PRSS55: variants seen among roughly 807,000 people sequenced by gnomAD.
The protein encoded by PRSS55 is probable serine protease UNQ9391/PRO34284.
Under a neutral mutation model 23.6 loss-of-function variants are expected in PRSS55, and 41 were observed. That is an observed-to-expected ratio of 1.74 (90% CI 1.35 to 2.26). The LOEUF (loss-of-function observed/expected upper bound fraction) is 2.26. PRSS55 is among the 30% of genes most tolerant of loss of function. PRSS55 has a pLI of 0.00. For missense variants in PRSS55, 669 were observed against 439.1 expected (o/e 1.52, Z -4.68); for synonymous variants, 262 against 175.5 (o/e 1.49, Z -3.90).
chr8:10,538,820 C>T (rs201129708), downstream of PRSS55: 14 of 1,526,014 alleles, frequency 9.2e-6, no homozygotes, highest in Non-Finnish European at 1.2e-5. Context: ...ATTCTTTCAA[C>T]CGAGGGAGGG....
chr8:10,548,801 C>A (rs1305866179), intron 4 of PRSS55, among the ~76,000 whole-genome samples: 3 of 152,170 alleles, frequency 2.0e-5, no homozygotes. Flanking sequence ...CCTGGTCACA[C>A]ATCCACTCAA....
rs529014229 is a variant in PRSS55 at position 10,532,837 on chromosome 8, T to C, written c.599-69T>C. The C allele has an allele frequency of 1.1e-4, 179 of 1,596,546 alleles. 4 individuals are homozygous for C. The Middle Eastern group carries it at 2.6e-3, about 23-fold the overall frequency. On this transcript the variant is annotated intron_variant, in intron 3 of 4. Coordinates refer to ENST00000328655, the MANE Select transcript of PRSS55 (RefSeq NM_198464.4). ...GGGGGACACAGGGCCGAGGGCACAGTCAGCTGCATCACGAACGTGGGGACA... is the reference window on the plus strand; with the variant it reads ...GGGGGACACAGGGCCGAGGGCACAGCCAGCTGCATCACGAACGTGGGGACA...
At chr8:10,531,631 G>T in intron 3 of PRSS55, 86 bp downstream of exon 3, 2 of 1,547,826 alleles carry the variant, frequency 1.3e-6, no homozygotes, top group Admixed American at 1.8e-5. Flanking sequence ...GTGAGGACAA[G>T]ACTTGCATTG....
exon 5 of PRSS55, chr8:10,554,078 C>T: frequency 7.7e-7 from 1 of 1,295,596 alleles, no homozygotes; most frequent in Non-Finnish European, 1.1e-6. Flanking sequence ...GGGCAGAAAA[C>T]ATACCCTTGG....
exon 5 of PRSS55, chr8:10,554,087 G>C (rs1404873381): frequency 9.4e-6 from 11 of 1,172,828 alleles, no homozygotes; most frequent in Non-Finnish European, 1.3e-5. Context: ...ACATACCCTT[G>C]GGCATAGCCT....
Position 10,533,932 on chromosome 8 carries a change from G to C in PRSS55, c.741+884G>C, listed in dbSNP as rs75381309. ...CTGATAGGCTATGAGAGCCTTGAGA[G>C]GTGGGTACTGAAACAGGGGTTGGAG... On this transcript the variant is annotated intron_variant, in intron 4 of 4. Coordinates refer to ENST00000328655, the MANE Select transcript of PRSS55 (RefSeq NM_198464.4). Among the ~76,000 whole-genome samples the C allele has an allele frequency of 6.5e-4, 99 of 152,290 alleles. No homozygotes were observed. In the East Asian group the frequency reaches 0.018, roughly 28 times the overall value.
At chr8:10,550,661 T>C (rs148922309) in intron 4 of PRSS55, among the ~76,000 whole-genome samples, 10 of 152,330 alleles carry the variant, frequency 6.6e-5, no homozygotes, top group African/African-American at 2.4e-4. Flanking sequence ...CCTGCCTGCC[T>C]GCCCCGAGAC....
At chr8:10,536,964 C>G (rs563258801) in intron 4 of PRSS55, among the ~76,000 whole-genome samples, 1 of 152,124 alleles carries the variant, frequency 6.6e-6, no homozygotes, top group African/African-American at 2.4e-5. Flanking sequence ...ACACCAAACC[C>G]CAGTGGCATG....
chr8:10,539,619 G>C (rs1347631848), downstream of PRSS55, among the ~76,000 whole-genome samples: 3 of 152,304 alleles, frequency 2.0e-5, no homozygotes, highest in East Asian at 3.9e-4. Context: ...GTCATGCAGA[G>C]GTTTCCCCAT....
At chr8:10,547,239 G>C (rs532562769) in intron 4 of PRSS55, among the ~76,000 whole-genome samples, 1 of 152,156 alleles carries the variant, frequency 6.6e-6, no homozygotes, top group South Asian at 2.1e-4. Flanking sequence ...GAGCGTAGTG[G>C]TCCAGGCGTG....
At chr8:10,554,088 G>C (rs889340102) in exon 5 of PRSS55, 3 of 1,163,168 alleles carry the variant, frequency 2.6e-6, no homozygotes, top group African/African-American at 1.6e-5. Context: ...CATACCCTTG[G>C]GCATAGCCTT....
downstream of PRSS55, among the ~76,000 whole-genome samples, chr8:10,539,246 G>A (rs1563544233): frequency 6.6e-6 from 1 of 152,090 alleles, no homozygotes; most frequent in Non-Finnish European, 1.5e-5. Context: ...TTCTACGCAG[G>A]CCTTCAGTGG....
chr8:10,532,499 G>A (rs1037690541), intron 3 of PRSS55, among the ~76,000 whole-genome samples: 2 of 152,154 alleles, frequency 1.3e-5, no homozygotes, highest in Non-Finnish European at 2.9e-5. Context: ...TTCACCGGGA[G>A]TGCAAACCCA....
rs1354696362 is a variant in PRSS55, at chr8:10,548,288, C to T, written c.742-5655C>T. Among the ~76,000 whole-genome samples the T allele has an allele frequency of 2.0e-5, 3 of 152,158 alleles. No individual in the cohort carries two copies. In the East Asian group the frequency reaches 5.8e-4, roughly 29 times the overall value. The stretch of plus-strand genomic sequence containing the variant: ...AGACCAGGCACGAGGGCTTCAGTGT[C>T]TCCCTGTGCTTGGTCAGGACTGGAG... On this transcript the variant is annotated intron_variant, in intron 4 of 4. Transcript: ENST00000522210.
At position 10,538,509 on chromosome 8, in the gene PRSS55, G is replaced by C. The variant is rs1487806224; in HGVS notation, c.775G>C (p.Glu259Gln). 6.2e-7 allele frequency: 1 copy of C among 1,613,920 alleles called. No individual in the cohort carries two copies. The highest frequency in any genetic ancestry group is 1.3e-5 in the African/African-American group (1 of 74,930). Residue 259 changes from glutamate (E) to glutamine (Q), a missense_variant, in exon 5 of 5, where the codon GAG (glutamate) becomes CAG (glutamine). By Grantham distance (29) the Glu-to-Gln change is conservative. Transcript: ENST00000328655. ...DSGGPLVCTP[E>Q]PGEKWYQVGI... ...TGGGGGGCCTCTGGTCTGCACCCCAGAGCCTGGTGAGAAGTGGTACCAGGT... is the reference window on the plus strand; with the variant it reads ...TGGGGGGCCTCTGGTCTGCACCCCACAGCCTGGTGAGAAGTGGTACCAGGT...
downstream of PRSS55, chr8:10,538,833 C>T: frequency 4.7e-6 from 7 of 1,505,376 alleles, no homozygotes; most frequent in Non-Finnish European, 4.4e-6. Flanking sequence ...AGGGAGGGTG[C>T]ATGCAAGTGC....
At chr8:10,539,042 T>A (rs1304771222), downstream of PRSS55, among the ~76,000 whole-genome samples, 3 of 148,952 alleles carry the variant, frequency 2.0e-5, no homozygotes, top group Non-Finnish European at 3.0e-5. Context: ...CATTTATGGA[T>A]ACATATAACA....
At chr8:10,528,379 A>G (rs139855329) in intron 1 of PRSS55, among the ~76,000 whole-genome samples, 2 of 152,314 alleles carry the variant, frequency 1.3e-5, no homozygotes, top group Non-Finnish European at 2.9e-5. Flanking sequence ...GTTGGAAAAT[A>G]AGCAGCAAGA....
At position 10,538,761 on chromosome 8, in the gene PRSS55, T is replaced by A; in HGVS notation, c.1027T>A (p.Ser343Thr). The change falls in exon 5 of 5, where the codon TCC (serine) becomes ACC (threonine). Residue 343 changes from serine to threonine, a missense_variant. By Grantham distance (58) the Ser-to-Thr change is moderately conservative. Transcript: ENST00000328655. ...PRSWLLLCPL[S>T]HVLFRAILY ...ATCCTGGCTCCTGCTCTGTCCCCTG[T>A]CCCATGTGTTGTTCAGAGCTATTTT... 1 of 1,598,452 alleles carries A rather than the reference T, an allele frequency of 6.3e-7. No homozygotes were observed. The highest frequency in any genetic ancestry group is 1.4e-5 in the African/African-American group (1 of 74,030).
Sources: allele counts gnomAD v4.1 joint callset (sites outside exome capture counted in the v4.1 genomes callset), GRCh38; gene constraint gnomAD v4.1.1; transcripts MANE v1.5; gene names NCBI Gene and HGNC (gene_info 2026-07-23, HGNC 2026-07-21).